UBQLN1: variants seen among roughly 807,000 people sequenced by gnomAD.
UBQLN1 encodes ubiquilin 1.
A neutral mutation model predicts 65.4 loss-of-function variants in UBQLN1; 13 were observed. The observed-to-expected ratio is 0.20, with a 90% confidence interval of 0.13 to 0.32. The LOEUF (loss-of-function observed/expected upper bound fraction) is 0.32. Among genes scored for constraint, UBQLN1 ranks in the 10% least tolerant of loss-of-function variants. The probability of loss-of-function intolerance (pLI) is 1.00; values close to 1 mark genes in which losing one functional copy is unlikely to be tolerated. For synonymous variants in UBQLN1, 267 were observed against 247.8 expected, an observed-to-expected ratio of 1.08 and a Z score of -0.73; for missense variants, 561 against 724.0, an observed-to-expected ratio of 0.77 and a Z score of 2.58.
intron 4 of UBQLN1, among the ~76,000 whole-genome samples, chr9:83,679,087 A>T (rs1489355441): frequency 6.6e-6 from 1 of 152,196 alleles, no homozygotes. Context: ...ACCAAAATAG[A>T]GCCACTTGTG....
intron 1 of UBQLN1, among the ~76,000 whole-genome samples, chr9:83,699,849 A>G (rs10746720): frequency 0.7 from 107,052 of 152,158 alleles, 38,524 homozygotes; most frequent in East Asian, 0.88. Flanking sequence ...AATGGGCACA[A>G]TAGATTTCGA....
At chr9:83,668,960 T>C (rs1295099691) in intron 7 of UBQLN1, 3 of 480,398 alleles carry the variant, frequency 6.2e-6, no homozygotes, top group Non-Finnish European at 1.0e-5. Flanking sequence ...AACCTGCACT[T>C]CTTTCTAGTC....
chr9:83,665,398 T>C (rs1564159305), intron 8 of UBQLN1: 2 of 357,052 alleles, frequency 5.6e-6, no homozygotes, highest in Admixed American at 4.6e-5. Context: ...AATCAGGAGC[T>C]ACTTTGGAAG....
At chr9:83,666,198 A>G (rs1469659987) in intron 8 of UBQLN1, 152 bp downstream of exon 8, 3 of 658,482 alleles carry the variant, frequency 4.6e-6, no homozygotes, top group African/African-American at 3.6e-5. Context: ...GGACTCAGTG[A>G]AGATCAAGCT....
At chr9:83,667,607 C>G (rs1831662501) in intron 7 of UBQLN1, 1 of 985,250 alleles carries the variant, frequency 1.0e-6, no homozygotes, top group Non-Finnish European at 1.2e-6. Flanking sequence ...TTTATTGGTT[C>G]CAAATACTTA....
chr9:83,687,299 C>T (rs184266196), intron 1 of UBQLN1, among the ~76,000 whole-genome samples: 11 of 152,296 alleles, frequency 7.2e-5, no homozygotes, highest in Admixed American at 7.2e-4. Context: ...GAGCATCATG[C>T]TATAAAGAAA....
At chr9:83,664,757 TTA>T (rs1011449380) in intron 9 of UBQLN1, among the ~76,000 whole-genome samples, 11 of 150,556 alleles carry the variant, frequency 7.3e-5, no homozygotes, top group Admixed American at 3.3e-4. Flanking sequence ...CAACAACAAA[TTA>T]TATATATAAA....
chr9:83,665,245 C>T, intron 8 of UBQLN1, 100 bp from the exon 9 acceptor site: 1 of 839,768 alleles, frequency 1.2e-6, no homozygotes, highest in Non-Finnish European at 1.8e-6. Context: ...AAATCTAAAA[C>T]CTTACTCCTG....
rs750268209 is a variant in UBQLN1, at chr9:83,697,551, CAAAAAAAAA to C, written c.180+9940_180+9948del. ...GGGGCAACAGTGCAAGACACTGTCT[CAAAAAAAAA>C]AAAAAAAAAAAAAAAAAGACAGTTT... On this transcript the variant is annotated intron_variant, in intron 1 of 10. Transcript: ENST00000376395. Among the ~76,000 whole-genome samples, 15 of 34,476 alleles carry C rather than the reference CAAAAAAAAA, an allele frequency of 4.4e-4. No individual in the cohort carries two copies. The South Asian group carries it at 6.1e-3, about 14-fold the overall frequency. The allele number at this position is 34,476 out of a possible 152,430, so 22.6% of individuals were successfully genotyped here. A position where few individuals can be genotyped will look rare whatever the true frequency, so the allele number is the denominator to read the frequency against.
intron 6 of UBQLN1, among the ~76,000 whole-genome samples, chr9:83,671,097 C>T (rs1302694693): frequency 6.6e-6 from 1 of 152,108 alleles, no homozygotes; most frequent in Non-Finnish European, 1.5e-5. Flanking sequence ...TTCCAAAGTG[C>T]CGTGATTAAA....
intron 3 of UBQLN1, among the ~76,000 whole-genome samples, chr9:83,681,635 G>A (rs1831942027): frequency 6.6e-6 from 1 of 152,232 alleles, no homozygotes; most frequent in African/African-American, 2.4e-5. Flanking sequence ...AAAAATAAAT[G>A]TATTAATGCA....
chr9:83,704,118 C>T (rs1832357160), intron 1 of UBQLN1, among the ~76,000 whole-genome samples: 1 of 152,186 alleles, frequency 6.6e-6, no homozygotes, highest in African/African-American at 2.4e-5. Flanking sequence ...CCCTCTGACC[C>T]TCCAAAATTA....
Position 83,664,923 on chromosome 9 carries a change from CAAAAAAAAAAAAA to C in UBQLN1, c.1448+94_1448+106del. ...CGAAGGGCGAGACCCTGTATCCCAC[CAAAAAAAAAAAAA>C]AAAAAAAAAAGGCAGGCAGAATAAT... On this transcript the variant is annotated intron_variant, in intron 9 of 10. Transcript: ENST00000376395. The C allele has an allele frequency of 1.1e-4, 26 of 226,848 alleles. 1 individual carries two copies. In the South Asian group the frequency reaches 1.7e-3, roughly 15 times the overall value. The allele number at this position is 226,848 out of a possible 1,614,324, so 14.1% of individuals were successfully genotyped here.
At chr9:83,705,998 A>T (rs1013099078) in intron 1 of UBQLN1, among the ~76,000 whole-genome samples, 1 of 152,162 alleles carries the variant, frequency 6.6e-6, no homozygotes, top group African/African-American at 2.4e-5. Flanking sequence ...GGGAAAAGGC[A>T]AGAAAAAACT....
At chr9:83,704,777 C>T (rs2131192941) in intron 1 of UBQLN1, among the ~76,000 whole-genome samples, 1 of 135,432 alleles carries the variant, frequency 7.4e-6, no homozygotes, top group East Asian at 2.5e-4. Flanking sequence ...AGTGAGCCGA[C>T]ACCATGCCAT....
intron 8 of UBQLN1, 87 bp downstream of exon 8, chr9:83,666,263 G>C: frequency 7.7e-7 from 1 of 1,298,674 alleles, no homozygotes; most frequent in Admixed American, 1.7e-5. Flanking sequence ...TTTGCTATCA[G>C]CCAGAGAAGA....
At chr9:83,664,604 A>ATAT (rs922739740) in intron 9 of UBQLN1, among the ~76,000 whole-genome samples, 15 of 151,920 alleles carry the variant, frequency 9.9e-5, no homozygotes, top group African/African-American at 3.6e-4. Flanking sequence ...TAAATAAGTA[A>ATAT]ATAAATAAAT....
chr9:83,696,168 G>C (rs1047290984), intron 1 of UBQLN1, among the ~76,000 whole-genome samples: 9 of 152,168 alleles, frequency 5.9e-5, no homozygotes, highest in Non-Finnish European at 1.2e-4. Flanking sequence ...TCAAACTCTT[G>C]ACCTCATAAT....
At chr9:83,702,943 C>T (rs1318160023) in intron 1 of UBQLN1, among the ~76,000 whole-genome samples, 5 of 152,098 alleles carry the variant, frequency 3.3e-5, no homozygotes, top group Non-Finnish European at 5.9e-5. Flanking sequence ...GTATATACTG[C>T]CTGAACATTT....
Sources: gnomAD v4.1 joint callset for allele counts (sites outside exome capture counted in the v4.1 genomes callset) on GRCh38, gnomAD v4.1.1 for gene constraint, MANE v1.5 for transcripts, NCBI Gene and HGNC (gene_info 2026-07-23, HGNC 2026-07-21) for gene names.